The following FBXL17 variants were observed in gnomAD, a reference collection of about 807,000 sequenced individuals.
FBXL17 encodes the protein F-box/LRR-repeat protein 17.
A neutral mutation model predicts 66.2 loss-of-function variants in FBXL17; 22 were observed. The observed-to-expected ratio is 0.33, with a 90% CI of 0.24 to 0.47. The LOEUF (loss-of-function observed/expected upper bound fraction) is 0.47, where lower values mean the gene tolerates loss of function less well. FBXL17 is among the 20% of genes least tolerant of loss of function. The pLI is 1.00. For missense variants in FBXL17, 878 were observed against 948.2 expected (o/e 0.93, Z 0.97); for synonymous variants, 474 against 400.5 (o/e 1.18, Z -2.19).
At chr5:108,247,654 A>G (rs1347089539) in intron 4 of FBXL17, among the ~76,000 whole-genome samples, 1 of 152,160 alleles carries the variant, frequency 6.6e-6, no homozygotes, top group East Asian at 1.9e-4. Context: ...TAAACTTGTG[A>G]TATTTAAAGT....
intron 6 of FBXL17, among the ~76,000 whole-genome samples, chr5:108,062,729 T>C (rs1194803751): frequency 1.3e-5 from 2 of 152,210 alleles, no homozygotes; most frequent in African/African-American, 2.4e-5. Flanking sequence ...ATTTCATTTC[T>C]ATGGCTTATT....
At chr5:108,154,973 A>G (rs1005921410) in intron 6 of FBXL17, among the ~76,000 whole-genome samples, 1 of 152,048 alleles carries the variant, frequency 6.6e-6, no homozygotes, top group African/African-American at 2.4e-5. Context: ...AGACTTAATA[A>G]GAAAAAATAA....
At chr5:107,903,505 A>G (rs1749643150) in intron 7 of FBXL17, among the ~76,000 whole-genome samples, 2 of 152,132 alleles carry the variant, frequency 1.3e-5, no homozygotes, top group Admixed American at 6.6e-5. Flanking sequence ...CATAGATCTT[A>G]TTTTACAGAA....
At chr5:108,199,353 TC>T (rs1035985791) in intron 5 of FBXL17, among the ~76,000 whole-genome samples, 1 of 152,198 alleles carries the variant, frequency 6.6e-6, no homozygotes, top group Non-Finnish European at 1.5e-5. Flanking sequence ...ACAGTTAACT[TC>T]TTTAGTCAAA....
intron 7 of FBXL17, among the ~76,000 whole-genome samples, chr5:107,992,804 T>A (rs963850474): frequency 1.3e-5 from 2 of 152,212 alleles, no homozygotes; most frequent in Admixed American, 6.5e-5. Flanking sequence ...CTGATTGTTT[T>A]ACAGCAAATA....
chr5:108,306,326 G>A (rs956124853), intron 4 of FBXL17, among the ~76,000 whole-genome samples: 5 of 151,966 alleles, frequency 3.3e-5, no homozygotes, highest in African/African-American at 1.2e-4. Context: ...AAGGATATAG[G>A]TCTCCAAGAG....
At chr5:108,139,926 ATC>A (rs1279572946) in intron 6 of FBXL17, among the ~76,000 whole-genome samples, 9 of 151,994 alleles carry the variant, frequency 5.9e-5, no homozygotes, top group Non-Finnish European at 1.2e-4. Context: ...TCTCACTTAC[ATC>A]TCTCTCTTAT....
chr5:108,102,239 T>C (rs1303919654), intron 6 of FBXL17, among the ~76,000 whole-genome samples: 1 of 152,190 alleles, frequency 6.6e-6, no homozygotes, highest in Non-Finnish European at 1.5e-5. Context: ...AGAAGTGACT[T>C]AGCACTATTT....
chr5:108,332,277 G>C (rs1294314565), intron 4 of FBXL17, among the ~76,000 whole-genome samples: 4 of 152,108 alleles, frequency 2.6e-5, no homozygotes, highest in Non-Finnish European at 4.4e-5. Context: ...AATGAAATAA[G>C]ATTATGCCTG....
chr5:108,289,929 G>C (rs1405531458), intron 4 of FBXL17, among the ~76,000 whole-genome samples: 1 of 152,126 alleles, frequency 6.6e-6, no homozygotes, highest in Non-Finnish European at 1.5e-5. Flanking sequence ...GAAAGTCTTT[G>C]TGCAAGTGTA....
At chr5:108,061,920 A>C (rs1384494619) in intron 6 of FBXL17, among the ~76,000 whole-genome samples, 1 of 151,958 alleles carries the variant, frequency 6.6e-6, no homozygotes, top group African/African-American at 2.4e-5. Context: ...TGCATAAAAC[A>C]CTTTGAGCTC....
chr5:108,301,531 T>C (rs1438248898), intron 4 of FBXL17, among the ~76,000 whole-genome samples: 1 of 151,872 alleles, frequency 6.6e-6, no homozygotes, highest in Non-Finnish European at 1.5e-5. Flanking sequence ...AACTGCCATA[T>C]AGTTGAATGC....
At chr5:107,989,564 T>C (rs1753152116) in intron 7 of FBXL17, among the ~76,000 whole-genome samples, 1 of 152,178 alleles carries the variant, frequency 6.6e-6, no homozygotes, top group Non-Finnish European at 1.5e-5. Context: ...TAATTCCATA[T>C]CTTGGTTATT....
At chr5:108,368,915 T>TTA (rs1554094842) in intron 1 of FBXL17, among the ~76,000 whole-genome samples, 6 of 142,930 alleles carry the variant, frequency 4.2e-5, no homozygotes, top group South Asian at 2.2e-4. Context: ...TACAAGGATT[T>TTA]AAAAAAAAAA....
intron 8 of FBXL17, among the ~76,000 whole-genome samples, chr5:107,875,224 C>T (rs1341212004): frequency 1.3e-5 from 2 of 151,980 alleles, no homozygotes; most frequent in African/African-American, 4.8e-5. Context: ...AGAGTCCCTG[C>T]AGGTATATGC....
intron 5 of FBXL17, among the ~76,000 whole-genome samples, chr5:108,198,287 A>G (rs565314605): frequency 8.5e-5 from 13 of 152,250 alleles, no homozygotes. Flanking sequence ...TCCAAAATGT[A>G]TACATAATTC....
chr5:108,258,930 A>AT, intron 4 of FBXL17, among the ~76,000 whole-genome samples: 1 of 152,124 alleles, frequency 6.6e-6, no homozygotes, highest in East Asian at 1.9e-4. Flanking sequence ...AGATAAAGCT[A>AT]GACATAATAA....
chr5:107,907,877 G>A (rs1335904231), intron 7 of FBXL17, among the ~76,000 whole-genome samples: 3 of 152,072 alleles, frequency 2.0e-5, no homozygotes. Context: ...CATTGTGGAA[G>A]TCAGTGTGGT....
chr5:107,948,193 AAGT>A (rs1751376550), intron 7 of FBXL17, among the ~76,000 whole-genome samples: 2 of 152,192 alleles, frequency 1.3e-5, no homozygotes, highest in Non-Finnish European at 2.9e-5. Flanking sequence ...AACCTTTTGA[AAGT>A]AGTCTCTTGT....
Sources: gnomAD v4.1 joint callset for allele counts (sites outside exome capture counted in the v4.1 genomes callset) on GRCh38, gnomAD v4.1.1 for gene constraint, MANE v1.5 for transcripts, NCBI Gene and HGNC (gene_info 2026-07-23, HGNC 2026-07-21) for gene names.